SLC26A6: variants seen among roughly 807,000 people sequenced by gnomAD.
The protein encoded by SLC26A6 is solute carrier family 26 member 6.
A neutral mutation model predicts 87.1 loss-of-function variants in SLC26A6; 67 were observed. That is an observed-to-expected ratio of 0.77 (90% confidence interval 0.63 to 0.94). The LOEUF (loss-of-function observed/expected upper bound fraction) is 0.94. Among genes scored for constraint, SLC26A6 ranks in the 40% least tolerant of loss-of-function variants. The pLI, the probability that SLC26A6 is intolerant of heterozygous loss-of-function variation, is 0.00. For synonymous variants in SLC26A6, 414 were observed against 405.9 expected (o/e 1.02, Z -0.24); for missense variants, 902 against 973.0 (o/e 0.93, Z 0.97).
At position 48,630,996 on chromosome 3, in the gene SLC26A6, G is replaced by C; in HGVS notation, c.1131C>G (p.Asn377Lys). Residue 377 changes from asparagine to lysine, a missense_variant, in exon 9 of 21, where the codon AAC becomes AAG. By Grantham distance (94) the Asn-to-Lys change is moderately conservative. Coordinates refer to ENST00000395550, the MANE Select transcript of SLC26A6 (RefSeq NM_022911.3). Reference protein sequence around the residue: ...ALRHGYRVDSNQELVALGLSN... With the variant: ...ALRHGYRVDSKQELVALGLSN... ...ACACATCCCGCATCACCCAGACCTG[G>C]TTGCTGTCCACCCGGTAGCCGTGCC... is the stretch of plus-strand genomic sequence containing the variant. 6.2e-7 allele frequency: 1 copy of C among 1,613,756 alleles called. No homozygotes were observed. The highest frequency in any genetic ancestry group is 8.5e-7 in the Non-Finnish European group (1 of 1,180,008).
In SLC26A6 at chr3:48,631,754, G is replaced by A. The variant is rs1183041815; in HGVS notation, c.798C>T (p.Thr266=). The A allele has an allele frequency of 2.5e-6, 4 of 1,613,454 alleles. No individual in the cohort carries two copies. Among genetic ancestry groups the A allele is most frequent in the African/African-American group, 1.3e-5 (1 of 74,916 alleles). The change falls in exon 7 of 21, where the codon ACC becomes ACT. Residue 266 remains threonine (T), a synonymous_variant. Coordinates refer to ENST00000395550, the MANE Select transcript of SLC26A6 (RefSeq NM_022911.3). ...CCCCAGCCACAGCTGCAGTGACCAC[G>A]GTGCCAACCTTGCTCTGGGGCAGCT... ...CWKLPQSKVG[T]VVTAAVAGVV... is the part of the protein sequence containing the mutation.
In SLC26A6 at chr3:48,633,366, G is replaced by A. The variant is rs2046865852; in HGVS notation, c.207C>T (p.Ala69=). The stretch of plus-strand genomic sequence containing the variant: ...AAACCGGGAGGTGTTGGAGCAGAAG[G>A]GCATAGGCCCGAGCACGGGAGCACC... The part of the protein sequence containing the change: ...WLQCSRARAY[A]LLLQHLPVLV... Residue 69 remains alanine (A), a synonymous_variant, in exon 3 of 21, where the codon GCC becomes GCT. Transcript: ENST00000395550. 6.2e-7 allele frequency: 1 copy of A among 1,613,498 alleles called. No homozygotes were observed. The highest frequency in any genetic ancestry group is 8.5e-7 in the Non-Finnish European group (1 of 1,180,006).
chr3:48,633,493 A>C lies in SLC26A6; in HGVS notation c.166T>G (p.Trp56Gly), dbSNP rs769364344. 8 of 1,613,152 alleles carry C rather than the reference A, an allele frequency of 5.0e-6. No homozygotes were observed. The Admixed American group carries it at 8.3e-5, about 17-fold the overall frequency. ...TGGCCTTACTGCAACCAGGTCCGCC[A>C]CTGGTGGGTCCTAGGTGCTGAGCCC... ...RWGSAPRTHQ[W>G]RTWLQCSRAR... The change falls in exon 2 of 21, where the codon TGG becomes GGG. Residue 56 changes from tryptophan to glycine, a missense_variant. Transcript: ENST00000395550.
intron 8 of SLC26A6, 25 bp downstream of exon 8, chr3:48,631,199 T>C: frequency 6.2e-7 from 1 of 1,612,126 alleles, no homozygotes; most frequent in Non-Finnish European, 8.5e-7. Context: ...CAACCCTCCC[T>C]GACCTGATGG....
rs2046853434 is a variant in SLC26A6, at chr3:48,633,054, G to T, written c.353C>A (p.Pro118His). 3.1e-6 allele frequency: 5 copies of T among 1,613,406 alleles called. No individual in the cohort carries two copies. The highest frequency in any genetic ancestry group is 4.2e-6 in the Non-Finnish European group (5 of 1,179,892). ...GGAGCTATAGAGGCCAAACACGGGG[G>T]GCAATCCAGCCAGGAGGGCGTAGGC... ...GLAYALLAGL[P>H]PVFGLYSSFY... The change falls in exon 4 of 21, where the codon CCC becomes CAC. Residue 118 changes from proline to histidine, a missense_variant. Pro to His is a moderately conservative substitution (Grantham distance 77, BLOSUM62 -2). Coordinates refer to ENST00000395550, the MANE Select transcript of SLC26A6 (RefSeq NM_022911.3).
intron 19 of SLC26A6, 92 bp from the exon 20 acceptor site, chr3:48,626,446 T>G: frequency 6.3e-7 from 1 of 1,581,226 alleles, no homozygotes; most frequent in Non-Finnish European, 8.6e-7. Context: ...TCATCACCCC[T>G]GACCTCCACC....
In SLC26A6 at chr3:48,631,932, T is replaced by C. The variant is rs2046809949; in HGVS notation, c.698A>G (p.Tyr233Cys). Residue 233 changes from tyrosine (Y) to cysteine (C), a missense_variant, in exon 6 of 21, where the codon TAT (tyrosine) becomes TGT (cysteine). This residue lies in a region of SLC26A6 where 800 missense variants were observed against 856.8 expected (regional missense o/e 0.93). Transcript: ENST00000395550. ...AVQVFVSQLK[Y>C]VFGLHLSSHS... is the part of the protein sequence containing the mutation. Reference sequence around the variant, plus strand: ...GCTGCTCAGATGGAGGCCAAACACATACTTGAGCTGTGAGACGAAGACCTG... The same window carrying C: ...GCTGCTCAGATGGAGGCCAAACACACACTTGAGCTGTGAGACGAAGACCTG... 3 of 1,613,236 alleles carry C rather than the reference T, an allele frequency of 1.9e-6. No homozygotes were observed. Among genetic ancestry groups the C allele is most frequent in the East Asian group, 2.2e-5 (1 of 44,884 alleles).
At position 48,631,922 on chromosome 3, in the gene SLC26A6, G is replaced by A. The variant is rs1381899849; in HGVS notation, c.708C>T (p.Gly236=). 2 of 1,613,472 alleles carry A rather than the reference G, an allele frequency of 1.2e-6. No homozygotes were observed. The highest frequency in any genetic ancestry group is 1.7e-6 in the Non-Finnish European group (2 of 1,180,030). The change falls in exon 6 of 21, where the codon GGC becomes GGT. Residue 236 remains glycine (G), a synonymous_variant. Coordinates refer to ENST00000395550, the MANE Select transcript of SLC26A6 (RefSeq NM_022911.3). ...GCCCAGAGTGGCTGCTCAGATGGAG[G>A]CCAAACACATACTTGAGCTGTGAGA... ...VFVSQLKYVF[G]LHLSSHSGPL...
chr3:48,631,496 C>A, intron 7 of SLC26A6, 153 bp downstream of exon 7: 1 of 1,151,720 alleles, frequency 8.7e-7, no homozygotes, highest in Non-Finnish European at 1.2e-6. Context: ...AGGAAGAAAC[C>A]AACATAGGGG....
intron 1 of SLC26A6, among the ~76,000 whole-genome samples, chr3:48,635,161 G>T (rs1299769059): frequency 6.6e-6 from 1 of 152,236 alleles, no homozygotes; most frequent in African/African-American, 2.4e-5. Flanking sequence ...TCACACCAGC[G>T]GCTTTCCGCA....
rs571879076 is a variant in SLC26A6, at chr3:48,631,274, C to T, written c.936G>A (p.Met312Ile). 85 of 1,607,766 alleles carry T rather than the reference C, an allele frequency of 5.3e-5. No homozygotes were observed. Among genetic ancestry groups the T allele is most frequent in the Admixed American group, 2.3e-4 (14 of 59,614 alleles). ...LIGATGISYG[M>I]GLKHRFEVDV... ...CTACCTCAAATCTGTGCTTTAGACCCATGCCATAGGAGATGCCTGTGGCCC... is the reference window on the plus strand; with the variant it reads ...CTACCTCAAATCTGTGCTTTAGACCTATGCCATAGGAGATGCCTGTGGCCC... Residue 312 changes from methionine (M) to isoleucine (I), a missense_variant, in exon 8 of 21, where the codon ATG becomes ATA. By Grantham distance (10) the Met-to-Ile change is conservative. This residue lies in a region of SLC26A6 where 800 missense variants were observed against 856.8 expected (regional missense o/e 0.93). Coordinates refer to ENST00000395550, the MANE Select transcript of SLC26A6 (RefSeq NM_022911.3).
chr3:48,635,148 G>C (rs1575533967), intron 1 of SLC26A6, among the ~76,000 whole-genome samples: 2 of 152,240 alleles, frequency 1.3e-5, no homozygotes, highest in African/African-American at 2.4e-5. Context: ...TGGCCCTCGG[G>C]CGTCACACCA....
At chr3:48,626,515 A>C in intron 19 of SLC26A6, 116 bp downstream of exon 19, 3 of 1,542,358 alleles carry the variant, frequency 1.9e-6, no homozygotes, top group Non-Finnish European at 2.7e-6. Context: ...CTCCCAGGAC[A>C]CCTCTGACCT....
rs1468498109 is a variant in SLC26A6 at position 48,631,243 on chromosome 3, C to T, written c.967G>A (p.Val323Met). The T allele has an allele frequency of 7.5e-6, 12 of 1,610,454 alleles. No homozygotes were observed. Among genetic ancestry groups the T allele is most frequent in the Non-Finnish European group, 9.3e-6 (11 of 1,177,868 alleles). The change falls in exon 8 of 21, where the codon GTG (valine) becomes ATG (methionine). Residue 323 changes from valine to methionine, a missense_variant. Transcript: ENST00000395550. ...GCTCACCCTGCAGGGATGTTGCCCA[C>T]GACATCTACCTCAAATCTGTGCTTT... ...GLKHRFEVDV[V>M]GNIPAGLVPP...
chr3:48,630,725 CGG>C lies in SLC26A6; in HGVS notation c.1135-7_1135-6del. On this transcript the variant is annotated splice_region_variant and splice_polypyrimidine_tract_variant and intron_variant, in intron 9 of 20. Coordinates refer to ENST00000395550, the MANE Select transcript of SLC26A6 (RefSeq NM_022911.3). ...GAGGCCCAGGGCCACCAGCTCCTGA[CGG>C]GGGACAGTACGGGTGTGAGAAGACT... 6.3e-7 allele frequency: 1 copy of C among 1,593,092 alleles called. No individual in the cohort carries two copies. Among genetic ancestry groups the C allele is most frequent in the Admixed American group, 1.7e-5 (1 of 57,330 alleles).
chr3:48,634,694 C>T (rs765941186), intron 1 of SLC26A6: 18 of 984,308 alleles, frequency 1.8e-5, no homozygotes, highest in Non-Finnish European at 2.2e-5. Flanking sequence ...AAGCCCTGAC[C>T]TGGGGAGAGG....
At position 48,626,329 on chromosome 3, in the gene SLC26A6, A is replaced by G; in HGVS notation, c.2154T>C (p.Ala718=). ...CHSPVVSQLE[A]GHFFDASITK... ...TGATGGATGCATCGAAGAAGTGCCCAGCCTCAAGCTGGCTGACCACAGGGC... is the reference window on the plus strand; with the variant it reads ...TGATGGATGCATCGAAGAAGTGCCCGGCCTCAAGCTGGCTGACCACAGGGC... Residue 718 remains alanine, a synonymous_variant, in exon 20 of 21, where the codon GCT becomes GCC. Transcript: ENST00000395550. The G allele has an allele frequency of 3.1e-6, 5 of 1,614,058 alleles. No homozygotes were observed. The highest frequency in any genetic ancestry group is 4.2e-6 in the Non-Finnish European group (5 of 1,180,010).
intron 11 of SLC26A6, 98 bp downstream of exon 11, chr3:48,630,340 C>T (rs1559467094): frequency 7.1e-7 from 1 of 1,399,470 alleles, no homozygotes; most frequent in Non-Finnish European, 9.8e-7. Flanking sequence ...AAAAACAGAA[C>T]CTAACCTTGT....
intron 14 of SLC26A6, among the ~76,000 whole-genome samples, chr3:48,629,054 C>T (rs942659611): frequency 5.9e-5 from 9 of 152,164 alleles, no homozygotes; most frequent in South Asian, 2.1e-4. Context: ...AGACCTTCCC[C>T]GCTCCCACCC....
Sources: gnomAD v4.1 joint callset for allele counts (sites outside exome capture counted in the v4.1 genomes callset) on GRCh38, gnomAD v4.1.1 for gene constraint, gnomAD v4.1.1 regional missense constraint, MANE v1.5 for transcripts, NCBI Gene and HGNC (gene_info 2026-07-23, HGNC 2026-07-21) for gene names.